PCDH15: variants seen among roughly 807,000 people sequenced by gnomAD.
PCDH15 encodes the protein protocadherin related 15, also known as protocadherin-15.
PCDH15 carries 129 observed loss-of-function variants against 178.5 expected under a neutral mutation model. The ratio of observed to expected loss-of-function variants is 0.72; its 90% confidence interval spans 0.63 to 0.84. The LOEUF is 0.84. PCDH15 is among the 40% of genes least tolerant of loss of function. PCDH15 has a pLI of 0.00. For synonymous variants in PCDH15, 800 were observed against 732.0 expected, an observed-to-expected ratio of 1.09 and a Z score of -1.50; for missense variants, 2,230 against 2,099.9, an observed-to-expected ratio of 1.06 and a Z score of -1.21.
intron 2 of PCDH15, among the ~76,000 whole-genome samples, chr10:55,612,110 A>G (rs1272725636): frequency 6.6e-6 from 1 of 152,048 alleles, no homozygotes; most frequent in Non-Finnish European, 1.5e-5. Context: ...TCTATTGAGC[A>G]ATAGGGTAAT....
intron 2 of PCDH15, among the ~76,000 whole-genome samples, chr10:54,628,799 T>C (rs1409103581): frequency 6.6e-6 from 1 of 152,124 alleles, no homozygotes; most frequent in Non-Finnish European, 1.5e-5. Flanking sequence ...CATTCATGAG[T>C]GGATTTGATA....
chr10:55,097,016 C>T (rs1239087646), intron 2 of PCDH15, among the ~76,000 whole-genome samples: 3 of 151,984 alleles, frequency 2.0e-5, no homozygotes, highest in Admixed American at 2.0e-4. Context: ...TTACAGTTTC[C>T]CTAATACCTA....
At chr10:55,083,988 A>C (rs1842103358) in intron 2 of PCDH15, among the ~76,000 whole-genome samples, 1 of 151,932 alleles carries the variant, frequency 6.6e-6, no homozygotes, top group Non-Finnish European at 1.5e-5. Flanking sequence ...TATTGTTAAA[A>C]TGTCCATACT....
At chr10:55,178,164 T>A (rs1839547833) in intron 1 of PCDH15, among the ~76,000 whole-genome samples, 1 of 152,136 alleles carries the variant, frequency 6.6e-6, no homozygotes, top group Non-Finnish European at 1.5e-5. Context: ...TTATTCTAGG[T>A]TTTCCTTCCA....
intron 2 of PCDH15, among the ~76,000 whole-genome samples, chr10:55,101,754 T>G (rs77500370): frequency 0.041 from 6,151 of 151,540 alleles, 303 homozygotes; most frequent in East Asian, 0.14. Context: ...AATAAATATA[T>G]TTTGCATATA....
At chr10:53,808,714 TCA>T in intron 37 of PCDH15, 1 of 1,613,086 alleles carries the variant, frequency 6.2e-7, no homozygotes, top group Non-Finnish European at 8.5e-7. Flanking sequence ...GTTGTAACCT[TCA>T]GAGTTTGCTC....
At chr10:54,976,274 C>A (rs1192901734) in intron 2 of PCDH15, among the ~76,000 whole-genome samples, 1 of 152,112 alleles carries the variant, frequency 6.6e-6, no homozygotes, top group East Asian at 1.9e-4. Flanking sequence ...GAACTATTGT[C>A]TAATTGTCCA....
At chr10:55,016,720 G>T (rs1429458956) in intron 2 of PCDH15, among the ~76,000 whole-genome samples, 1 of 152,068 alleles carries the variant, frequency 6.6e-6, no homozygotes, top group Non-Finnish European at 1.5e-5. Flanking sequence ...CAGAAGTGTG[G>T]ACATCTCAAT....
intron 2 of PCDH15, among the ~76,000 whole-genome samples, chr10:55,616,308 A>G (rs1368200909): frequency 6.6e-6 from 1 of 152,184 alleles, no homozygotes; most frequent in Non-Finnish European, 1.5e-5. Flanking sequence ...ACTGCATAAT[A>G]TTGGTAAAAC....
At chr10:55,021,234 T>C (rs929761003) in intron 2 of PCDH15, among the ~76,000 whole-genome samples, 1 of 152,220 alleles carries the variant, frequency 6.6e-6, no homozygotes, top group Admixed American at 6.5e-5. Flanking sequence ...ACCACAAATA[T>C]GTTACTAAAC....
chr10:54,207,600 T>C (rs1041079124), intron 10 of PCDH15, among the ~76,000 whole-genome samples: 3 of 152,056 alleles, frequency 2.0e-5, no homozygotes, highest in Non-Finnish European at 1.5e-5. Context: ...GCTGTTCTCA[T>C]GATGTGTTGT....
chr10:55,488,883 G>A (rs1434000403), intron 2 of PCDH15, among the ~76,000 whole-genome samples: 1 of 151,258 alleles, frequency 6.6e-6, no homozygotes, highest in African/African-American at 2.4e-5. Flanking sequence ...AATGCATTAA[G>A]AAACACACTA....
At chr10:54,261,414 A>C (rs2057307971) in intron 8 of PCDH15, among the ~76,000 whole-genome samples, 1 of 152,014 alleles carries the variant, frequency 6.6e-6, no homozygotes, top group Non-Finnish European at 1.5e-5. Flanking sequence ...TAGATAAGAA[A>C]AAGCATATTG....
intron 26 of PCDH15, among the ~76,000 whole-genome samples, chr10:53,901,234 G>A (rs1447704783): frequency 6.6e-6 from 1 of 151,914 alleles, no homozygotes; most frequent in Non-Finnish European, 1.5e-5. Flanking sequence ...GTCTAGATCA[G>A]CATTTGCAAA....
At chr10:55,037,332 C>G (rs1162575053) in intron 2 of PCDH15, among the ~76,000 whole-genome samples, 1 of 152,008 alleles carries the variant, frequency 6.6e-6, no homozygotes, top group Non-Finnish European at 1.5e-5. Context: ...CTCCCAGGTT[C>G]AAGTGATTCT....
At chr10:54,115,469 G>C (rs914666309) in intron 15 of PCDH15, among the ~76,000 whole-genome samples, 5 of 152,198 alleles carry the variant, frequency 3.3e-5, no homozygotes, top group South Asian at 2.1e-4. Context: ...ACACTGAAAG[G>C]CTTCAGCTAT....
At chr10:54,913,267 T>G (rs1954847951) in intron 2 of PCDH15, among the ~76,000 whole-genome samples, 1 of 152,132 alleles carries the variant, frequency 6.6e-6, no homozygotes, top group Non-Finnish European at 1.5e-5. Flanking sequence ...ACCATGGTTT[T>G]GTGGGCCAGG....
chr10:55,354,115 A>C (rs553130823), intron 2 of PCDH15, among the ~76,000 whole-genome samples: 1 of 152,058 alleles, frequency 6.6e-6, no homozygotes, highest in Admixed American at 6.6e-5. Context: ...GTGATAGTTT[A>C]TTCCAAAATA....
chr10:55,133,836 G>A (rs1368992486), intron 2 of PCDH15, among the ~76,000 whole-genome samples: 1 of 151,928 alleles, frequency 6.6e-6, no homozygotes, highest in Non-Finnish European at 1.5e-5. Context: ...GAGACCATTG[G>A]CTCTATCTTC....
Sources: allele counts gnomAD v4.1 joint callset (sites outside exome capture counted in the v4.1 genomes callset), GRCh38; gene constraint gnomAD v4.1.1; transcripts MANE v1.5; gene names NCBI Gene and HGNC (gene_info 2026-07-23, HGNC 2026-07-21).